GPC5: variants seen among roughly 807,000 people sequenced by gnomAD.
The protein encoded by GPC5 is glypican 5.
GPC5 carries 47 observed loss-of-function variants against 53.9 expected under a neutral mutation model. The observed-to-expected ratio is 0.87, with a 90% confidence interval of 0.69 to 1.11. The LOEUF (loss-of-function observed/expected upper bound fraction) is 1.11, where lower values mean the gene tolerates loss of function less well. Among genes scored for constraint, GPC5 ranks in the 50% most tolerant of loss-of-function variants. The pLI, the probability that GPC5 is intolerant of heterozygous loss-of-function variation, is 0.00. For missense variants in GPC5, 748 were observed against 713.1 expected (o/e 1.05, Z -0.56); for synonymous variants, 286 against 263.3 (o/e 1.09, Z -0.84).
At chr13:91,941,186 C>T (rs1298666498) in intron 6 of GPC5, among the ~76,000 whole-genome samples, 1 of 151,986 alleles carries the variant, frequency 6.6e-6, no homozygotes, top group African/African-American at 2.4e-5. Context: ...TCACTGCTCT[C>T]TATTTTATTC....
chr13:92,574,115 T>G (rs1427997283), intron 7 of GPC5, among the ~76,000 whole-genome samples: 5 of 152,202 alleles, frequency 3.3e-5, no homozygotes, highest in Non-Finnish European at 7.3e-5. Flanking sequence ...TTACTCTCAT[T>G]GCTTAATAAT....
intron 6 of GPC5, among the ~76,000 whole-genome samples, chr13:91,984,475 T>C (rs1318314478): frequency 3.3e-5 from 5 of 152,208 alleles, no homozygotes; most frequent in Non-Finnish European, 1.5e-5. Flanking sequence ...CAGCACATCA[T>C]CCTAAGGTCT....
intron 7 of GPC5, among the ~76,000 whole-genome samples, chr13:92,401,641 A>T (rs1260560708): frequency 6.6e-6 from 1 of 152,166 alleles, no homozygotes; most frequent in East Asian, 1.9e-4. Context: ...GTCTTAAAAG[A>T]CTAGAAATAC....
At chr13:91,899,748 C>T (rs1302341376) in intron 5 of GPC5, among the ~76,000 whole-genome samples, 2 of 152,064 alleles carry the variant, frequency 1.3e-5, no homozygotes, top group Non-Finnish European at 2.9e-5. Context: ...AAGATGGAGA[C>T]AGAAATTGGA....
At chr13:92,748,757 G>A (rs1350128385) in intron 7 of GPC5, among the ~76,000 whole-genome samples, 1 of 151,640 alleles carries the variant, frequency 6.6e-6, no homozygotes, top group East Asian at 1.9e-4. Context: ...TTTTTTAATT[G>A]TTAATAGAAA....
chr13:92,269,563 G>A (rs781462349), intron 7 of GPC5, among the ~76,000 whole-genome samples: 1 of 152,030 alleles, frequency 6.6e-6, no homozygotes, highest in Non-Finnish European at 1.5e-5. Flanking sequence ...CTGCCACCAT[G>A]CCCGGCTAAG....
intron 7 of GPC5, among the ~76,000 whole-genome samples, chr13:92,667,068 C>CA (rs554454444): frequency 3.3e-5 from 5 of 152,128 alleles, no homozygotes; most frequent in Admixed American, 1.3e-4. Flanking sequence ...AAACTATTCA[C>CA]AAAAAAAGAT....
intron 7 of GPC5, among the ~76,000 whole-genome samples, chr13:92,498,736 T>G (rs1880077987): frequency 6.6e-6 from 1 of 152,198 alleles, no homozygotes; most frequent in Admixed American, 6.5e-5. Context: ...ATATGTGCTC[T>G]TTCATCTATA....
intron 2 of GPC5, among the ~76,000 whole-genome samples, chr13:91,511,850 G>A (rs926025784): frequency 3.3e-5 from 5 of 151,836 alleles, no homozygotes; most frequent in African/African-American, 1.2e-4. Context: ...TTCTTCTATG[G>A]ACTATATACT....
At position 91,458,976 on chromosome 13, in the gene GPC5, G is replaced by A. The variant is rs148915784; in HGVS notation, c.325+10054G>A. Among the ~76,000 whole-genome samples the A allele has an allele frequency of 4.3e-4, 66 of 152,054 alleles. No homozygotes were observed. The East Asian group carries it at 0.011, about 26-fold the overall frequency. The stretch of plus-strand genomic sequence containing the variant: ...ACTCAGGAATCAAAAACCAAACATC[G>A]TATGTTCTCACTGATAAGTGGGAGC... On this transcript the variant is annotated intron_variant, in intron 2 of 7. Transcript: ENST00000377067.
chr13:92,147,153 T>C (rs966143993), intron 7 of GPC5, among the ~76,000 whole-genome samples: 82 of 124,302 alleles, frequency 6.6e-4, no homozygotes, highest in Non-Finnish European at 1.1e-3. Context: ...TTATAATTTA[T>C]GTGAGGTGAA....
chr13:92,445,261 C>CTCTT lies in GPC5; in HGVS notation c.1561+300273_1561+300274insCTTT, dbSNP rs778139607. Reference sequence around the variant, plus strand: ...GTTCCTTTCCTTTCTCTCTCTCTCTCTTTTTTTTTTTAACAAAGATTCTCT... The same window carrying CTCTT: ...GTTCCTTTCCTTTCTCTCTCTCTCTCTCTTTTTTTTTTTTTAACAAAGATTCTCT... On this transcript the variant is annotated intron_variant, in intron 7 of 7. Transcript: ENST00000377067. Among the ~76,000 whole-genome samples the CTCTT allele has an allele frequency of 2.1e-4, 29 of 138,530 alleles. 1 individual carries two copies. The highest frequency in any genetic ancestry group is 1.6e-3 in the Admixed American group (22 of 13,838). The allele number at this position is 138,530 out of a possible 152,430, so 90.9% of individuals were successfully genotyped here.
At chr13:91,920,050 T>C (rs1411515355) in intron 6 of GPC5, among the ~76,000 whole-genome samples, 1 of 152,032 alleles carries the variant, frequency 6.6e-6, no homozygotes, top group Non-Finnish European at 1.5e-5. Flanking sequence ...TAGCCTCTAA[T>C]GCACAGTATC....
At chr13:92,375,405 G>T (rs550706196) in intron 7 of GPC5, among the ~76,000 whole-genome samples, 2 of 152,138 alleles carry the variant, frequency 1.3e-5, no homozygotes, top group East Asian at 1.9e-4. Flanking sequence ...CAGCATTTTG[G>T]TAACTGTAAA....
At chr13:91,972,497 G>C (rs2040253267) in intron 6 of GPC5, among the ~76,000 whole-genome samples, 1 of 152,168 alleles carries the variant, frequency 6.6e-6, no homozygotes, top group Non-Finnish European at 1.5e-5. Flanking sequence ...GTGTGAATTT[G>C]ATCCTGTCAT....
chr13:91,479,388 G>A (rs1399436695), intron 2 of GPC5, among the ~76,000 whole-genome samples: 3 of 152,110 alleles, frequency 2.0e-5, no homozygotes, highest in African/African-American at 7.2e-5. Context: ...ATATATGTCA[G>A]TAGAGACCAA....
At chr13:92,351,810 A>C (rs1247659839) in intron 7 of GPC5, among the ~76,000 whole-genome samples, 1 of 152,210 alleles carries the variant, frequency 6.6e-6, no homozygotes, top group Non-Finnish European at 1.5e-5. Flanking sequence ...TGTAAAAAAT[A>C]CAGAGAAAAT....
intron 7 of GPC5, among the ~76,000 whole-genome samples, chr13:92,835,318 T>C (rs907432269): frequency 1.3e-5 from 2 of 152,060 alleles, no homozygotes; most frequent in Non-Finnish European, 1.5e-5. Context: ...CCGCATCTTT[T>C]ATTTTACTAC....
At chr13:92,817,585 A>G (rs968469786) in intron 7 of GPC5, among the ~76,000 whole-genome samples, 2 of 152,006 alleles carry the variant, frequency 1.3e-5, no homozygotes, top group East Asian at 1.9e-4. Flanking sequence ...TGAAAAATTA[A>G]TCAGAATTAT....
Sources: allele counts gnomAD v4.1 joint callset (sites outside exome capture counted in the v4.1 genomes callset), GRCh38; gene constraint gnomAD v4.1.1; transcripts MANE v1.5; gene names NCBI Gene and HGNC (gene_info 2026-07-23, HGNC 2026-07-21).